GRAMD1B: variants seen among roughly 807,000 people sequenced by gnomAD.
GRAMD1B encodes the protein GRAM domain containing 1B.
In GRAMD1B, 37 loss-of-function variants were observed where a neutral mutation model predicts 99.7. The ratio of observed to expected loss-of-function variants is 0.37; its 90% CI spans 0.29 to 0.49. The LOEUF (loss-of-function observed/expected upper bound fraction) is 0.49, where lower values mean the gene tolerates loss of function less well. GRAMD1B is among the 20% of genes least tolerant of loss of function. The pLI, the probability that GRAMD1B is intolerant of heterozygous loss-of-function variation, is 0.98. For synonymous variants in GRAMD1B, 427 were observed against 387.6 expected, an observed-to-expected ratio of 1.10 and a Z score of -1.19; for missense variants, 888 against 1,009.2, an observed-to-expected ratio of 0.88 and a Z score of 1.63.
At chr11:123,559,109 C>T (rs542120941) in intron 2 of GRAMD1B, among the ~76,000 whole-genome samples, 9 of 152,280 alleles carry the variant, frequency 5.9e-5, no homozygotes, top group South Asian at 4.1e-4. Flanking sequence ...AGGGTGGTCC[C>T]GGAATAGCAA....
intron 9 of GRAMD1B, 99 bp downstream of exon 9, chr11:123,603,640 ATGGAATGAACTG>A (rs1317431268): frequency 1.3e-6 from 1 of 757,128 alleles, no homozygotes; most frequent in African/African-American, 1.7e-5. Context: ...CTGTGCAGCC[ATGGAATGAACTG>A]TGGAATGAAG....
chr11:123,533,477 A>G (rs1003042119), intron 2 of GRAMD1B, among the ~76,000 whole-genome samples: 1 of 151,930 alleles, frequency 6.6e-6, no homozygotes, highest in Non-Finnish European at 1.5e-5. Context: ...CCTAGGCTAG[A>G]GTGCAATGGG....
intron 4 of GRAMD1B, among the ~76,000 whole-genome samples, chr11:123,588,400 C>T (rs530367179): frequency 1.1e-4 from 17 of 152,298 alleles, no homozygotes; most frequent in African/African-American, 3.8e-4. Flanking sequence ...GTACGGGACT[C>T]ATCTCCCAGG....
In GRAMD1B at chr11:123,600,553, G is replaced by A. The variant is rs758744485; in HGVS notation, c.1050+5G>A. ...CAGAATGCTCTCCTTGAAAAGGTAA[G>A]TACGGCCGAGTTTGCTTTTACTGTG... On this transcript the variant is annotated splice_donor_5th_base_variant and intron_variant, in intron 8 of 19. Transcript: ENST00000635736. The A allele has an allele frequency of 5.6e-6, 9 of 1,599,126 alleles. No homozygotes were observed. The highest frequency in any genetic ancestry group is 2.6e-6 in the Non-Finnish European group (3 of 1,166,996).
chr11:123,513,503 T>A (rs917453572), intron 2 of GRAMD1B, among the ~76,000 whole-genome samples: 5 of 148,296 alleles, frequency 3.4e-5, no homozygotes, highest in African/African-American at 1.3e-4. Flanking sequence ...TTTCTCCCTC[T>A]CTCTTTCTTT....
At chr11:123,538,497 A>G (rs1044925317) in intron 2 of GRAMD1B, among the ~76,000 whole-genome samples, 2 of 152,178 alleles carry the variant, frequency 1.3e-5, no homozygotes, top group South Asian at 4.2e-4. Context: ...TTACATCTCA[A>G]CACCTCAAAA....
chr11:123,407,780 G>A (rs1947905956), intron 1 of GRAMD1B, among the ~76,000 whole-genome samples: 1 of 152,150 alleles, frequency 6.6e-6, no homozygotes, highest in African/African-American at 2.4e-5. Flanking sequence ...TGATTAACAG[G>A]TAACCACTGA....
intron 2 of GRAMD1B, among the ~76,000 whole-genome samples, chr11:123,564,704 A>T (rs577486552): frequency 1.3e-5 from 2 of 152,302 alleles, no homozygotes; most frequent in South Asian, 2.1e-4. Flanking sequence ...GGGTGGATGG[A>T]TGGATCCTGC....
chr11:123,387,364 C>A (rs1458335331), intron 1 of GRAMD1B, among the ~76,000 whole-genome samples: 1 of 152,136 alleles, frequency 6.6e-6, no homozygotes, highest in Admixed American at 6.5e-5. Flanking sequence ...TGCTGACACA[C>A]AGGCCTACAC....
chr11:123,560,430 G>T, intron 2 of GRAMD1B: 1 of 1,190,544 alleles, frequency 8.4e-7, no homozygotes, highest in Non-Finnish European at 1.1e-6. Flanking sequence ...TGCTACAGCG[G>T]TGTGAAACAG....
At chr11:123,565,566 A>G (rs1200198071) in intron 2 of GRAMD1B, among the ~76,000 whole-genome samples, 1 of 152,250 alleles carries the variant, frequency 6.6e-6, no homozygotes, top group Non-Finnish European at 1.5e-5. Context: ...TGGACAGATA[A>G]TGATCGCTGA....
chr11:123,453,296 A>G (rs950597196), intron 1 of GRAMD1B, among the ~76,000 whole-genome samples: 4 of 151,832 alleles, frequency 2.6e-5, no homozygotes, highest in African/African-American at 9.7e-5. Context: ...TATTAAATAT[A>G]AGTATATATG....
chr11:123,396,033 A>T (rs1947446471), intron 1 of GRAMD1B, among the ~76,000 whole-genome samples: 1 of 152,142 alleles, frequency 6.6e-6, no homozygotes, highest in African/African-American at 2.4e-5. Context: ...ATTCTTTGAA[A>T]AACTGAGGCT....
chr11:123,456,193 A>C (rs1409898997), intron 1 of GRAMD1B, among the ~76,000 whole-genome samples: 1 of 145,412 alleles, frequency 6.9e-6, no homozygotes, highest in African/African-American at 2.5e-5. Flanking sequence ...CAAAACAAAA[A>C]AGAACAACAC....
At chr11:123,573,366 A>G (rs1784362) in intron 2 of GRAMD1B, among the ~76,000 whole-genome samples, 38,116 of 152,162 alleles carry the variant, frequency 0.25, 5,157 homozygotes, top group South Asian at 0.41. Context: ...TCCTCTTTTT[A>G]GAAAGTTCAC....
At chr11:123,538,921 G>A (rs768481353) in intron 2 of GRAMD1B, among the ~76,000 whole-genome samples, 6 of 151,736 alleles carry the variant, frequency 4.0e-5, no homozygotes, top group East Asian at 1.9e-4. Flanking sequence ...GAGCCACCGC[G>A]CCCAGTTCTG....
At chr11:123,400,401 C>A (rs528490494) in intron 1 of GRAMD1B, among the ~76,000 whole-genome samples, 2 of 152,062 alleles carry the variant, frequency 1.3e-5, no homozygotes, top group Non-Finnish European at 2.9e-5. Flanking sequence ...CGCTTGAATC[C>A]GGGAGGCAGG....
chr11:123,553,587 C>T lies in GRAMD1B; in HGVS notation c.453-23780C>T, dbSNP rs541681512. Reference sequence around the variant, plus strand: ...CATTTCTTGCTTTAAGTTTTAATTACGTAGACATCACTCACCTCATGAGAG... The same window carrying T: ...CATTTCTTGCTTTAAGTTTTAATTATGTAGACATCACTCACCTCATGAGAG... On this transcript the variant is annotated intron_variant, in intron 2 of 19. Coordinates refer to ENST00000635736, the MANE Select transcript of GRAMD1B (RefSeq NM_001387025.1). 4.6e-5 allele frequency among the ~76,000 whole-genome samples: 7 copies of T among 152,312 alleles called. No homozygotes were observed. The East Asian group carries it at 9.6e-4, about 21-fold the overall frequency.
In GRAMD1B at chr11:123,420,297, C is replaced by T. The variant is rs1948383733; in HGVS notation, c.-175-60519C>T. 2.0e-5 allele frequency among the ~76,000 whole-genome samples: 3 copies of T among 152,070 alleles called. No homozygotes were observed. The South Asian group carries it at 6.2e-4, about 32-fold the overall frequency. On this transcript the variant is annotated intron_variant, in intron 1 of 20. Transcript: ENST00000638157. ...GGAACCAGGAAGCACCAGGACTTAC[C>T]GATCCCTGATGACTCATCTCAGATC...
Sources: gnomAD v4.1 joint callset for allele counts (sites outside exome capture counted in the v4.1 genomes callset) on GRCh38, gnomAD v4.1.1 for gene constraint, MANE v1.5 for transcripts, NCBI Gene and HGNC (gene_info 2026-07-23, HGNC 2026-07-21) for gene names.